PRIMPOL: variants seen among roughly 807,000 people sequenced by gnomAD.
The protein encoded by PRIMPOL is DNA-directed primase/polymerase protein.
In PRIMPOL, 54 loss-of-function variants were observed where a neutral mutation model predicts 63.6. The ratio of observed to expected loss-of-function variants is 0.85; its 90% CI spans 0.68 to 1.07. The LOEUF (loss-of-function observed/expected upper bound fraction) is 1.07. PRIMPOL is among the 50% of genes least tolerant of loss of function. The pLI is 0.00. For missense variants in PRIMPOL, 610 were observed against 648.3 expected, an observed-to-expected ratio of 0.94 and a Z score of 0.64; for synonymous variants, 197 against 220.2, an observed-to-expected ratio of 0.89 and a Z score of 0.93.
chr4:184,685,939 T>C (rs1206953864), intron 11 of PRIMPOL, among the ~76,000 whole-genome samples: 1 of 152,100 alleles, frequency 6.6e-6, no homozygotes, highest in Non-Finnish European at 1.5e-5. Context: ...GTAGCTGGGA[T>C]TACAGGCGCC....
intron 7 of PRIMPOL, among the ~76,000 whole-genome samples, chr4:184,672,738 G>C (rs905210373): frequency 6.6e-6 from 1 of 152,174 alleles, no homozygotes; most frequent in Non-Finnish European, 1.5e-5. Context: ...TTTTACAGGG[G>C]ACAGTTGGAC....
Position 184,659,386 on chromosome 4 carries a change from G to GT in PRIMPOL, c.228dup (p.Ile77TyrfsTer9), listed in dbSNP as rs1322924966. The GT allele has an allele frequency of 2.5e-6, 4 of 1,613,836 alleles. No homozygotes were observed. Among genetic ancestry groups the GT allele is most frequent in the Admixed American group, 1.7e-5 (1 of 59,978 alleles). The stretch of plus-strand genomic sequence containing the variant: ...GAATGCAAAGTAGGAGATGGACAAC[G>GT]TATTTACCTTGTGACAACCTATGCT... On this transcript the variant is annotated frameshift_variant, in exon 4 of 14. Coordinates refer to ENST00000314970, the MANE Select transcript of PRIMPOL (RefSeq NM_152683.4). LOFTEE classifies it high-confidence loss of function.
At chr4:184,687,277 G>A (rs1050988484) in intron 11 of PRIMPOL, among the ~76,000 whole-genome samples, 3 of 152,116 alleles carry the variant, frequency 2.0e-5, no homozygotes, top group Admixed American at 6.5e-5. Context: ...CACTATGTTG[G>A]CTGGGCTGGT....
Position 184,680,716 on chromosome 4 carries a change from A to G in PRIMPOL, c.1008-1532A>G, listed in dbSNP as rs80268105. On this transcript the variant is annotated intron_variant, in intron 8 of 13. Coordinates refer to ENST00000314970, the MANE Select transcript of PRIMPOL (RefSeq NM_152683.4). ...TTTCCTACTTTTAAATGGAAGTGAT[A>G]CTAACACCTATCTTACGGAGTTGTC... Among the ~76,000 whole-genome samples, 728 of 152,272 alleles carry G rather than the reference A, an allele frequency of 4.8e-3. 12 individuals are homozygous for G. The highest frequency in any genetic ancestry group is 0.035 in the East Asian group (180 of 5,174).
intron 4 of PRIMPOL, 22 bp downstream of exon 4, chr4:184,659,459 C>T (rs761120570): frequency 6.0e-6 from 9 of 1,498,410 alleles, no homozygotes; most frequent in Non-Finnish European, 8.4e-6. Flanking sequence ...GCAGCAGAAC[C>T]ACACATTAAG....
rs773897294 is a variant in PRIMPOL at position 184,657,338 on chromosome 4, CTCT to C, written c.180+27_180+29del. ...GTAAAGAAGTAATTTCCTCCTCCTCCTCTTCTTCTTCCTCCTCTTCCACTTCCT... is the reference window on the plus strand; with the variant it reads ...GTAAAGAAGTAATTTCCTCCTCCTCCTCTTCTTCCTCCTCTTCCACTTCCT... On this transcript the variant is annotated intron_variant, in intron 3 of 13. Transcript: ENST00000314970. The C allele has an allele frequency of 1.6e-5, 25 of 1,555,290 alleles. No homozygotes were observed. Among genetic ancestry groups the C allele is most frequent in the African/African-American group, 4.1e-5 (3 of 72,856 alleles).
chr4:184,657,785 G>A (rs56796543), intron 3 of PRIMPOL: 6,484 of 153,674 alleles, frequency 0.042, 453 homozygotes, highest in African/African-American at 0.15. Flanking sequence ...CCTGAGGTCC[G>A]GAGTTTGAGA....
At chr4:184,669,247 C>T (rs1186147442) in intron 6 of PRIMPOL, among the ~76,000 whole-genome samples, 2 of 152,214 alleles carry the variant, frequency 1.3e-5, no homozygotes, top group African/African-American at 4.8e-5. Flanking sequence ...GCTGTTGTTA[C>T]TCCTGTTAAG....
At chr4:184,663,767 G>C (rs1162085179) in intron 5 of PRIMPOL, among the ~76,000 whole-genome samples, 1 of 151,958 alleles carries the variant, frequency 6.6e-6, no homozygotes, top group African/African-American at 2.4e-5. Context: ...AGTTCTCATT[G>C]GATTACTTTA....
At chr4:184,680,904 C>T (rs1755452345) in intron 8 of PRIMPOL, among the ~76,000 whole-genome samples, 1 of 152,150 alleles carries the variant, frequency 6.6e-6, no homozygotes, top group African/African-American at 2.4e-5. Flanking sequence ...CTGCCACACC[C>T]TATTGGCACC....
intron 11 of PRIMPOL, among the ~76,000 whole-genome samples, chr4:184,690,207 G>GT (rs1306837734): frequency 6.6e-6 from 1 of 152,048 alleles, no homozygotes; most frequent in African/African-American, 2.4e-5. Flanking sequence ...TAGGTTTTCT[G>GT]TTGCTTTTTA....
Position 184,654,452 on chromosome 4 carries a change from A to AGTTTTTCTTTTTT in PRIMPOL, c.-60+2358_-60+2359insCTTTTTTGTTTTT, listed in dbSNP as rs1553985957. Among the ~76,000 whole-genome samples the AGTTTTTCTTTTTT allele has an allele frequency of 7.7e-3, 979 of 126,576 alleles. 29 individuals carry two copies. The highest frequency in any genetic ancestry group is 0.028 in the African/African-American group (952 of 33,518). 83.0% of individuals were successfully genotyped at this position (126,576 alleles called of 152,430 possible). A position where few individuals can be genotyped will look rare whatever the true frequency, so the allele number is the denominator to read the frequency against. On this transcript the variant is annotated intron_variant, in intron 2 of 13. Coordinates refer to ENST00000314970, the MANE Select transcript of PRIMPOL (RefSeq NM_152683.4). Reference sequence around the variant, plus strand: ...TCACTTTGTATTGACAAGTTAAAGCAGTTTTTTTTTTTTTTTGAGACAGAG... The same window carrying AGTTTTTCTTTTTT: ...TCACTTTGTATTGACAAGTTAAAGCAGTTTTTCTTTTTTGTTTTTTTTTTTTTTTGAGACAGAG...
intron 5 of PRIMPOL, among the ~76,000 whole-genome samples, chr4:184,662,762 T>C (rs1247787016): frequency 6.6e-6 from 1 of 152,068 alleles, no homozygotes; most frequent in East Asian, 1.9e-4. Flanking sequence ...ATAAAGAATA[T>C]CTGCTAGTAT....
chr4:184,664,937 A>C (rs1233510256), intron 5 of PRIMPOL, among the ~76,000 whole-genome samples: 3 of 152,250 alleles, frequency 2.0e-5, no homozygotes, highest in African/African-American at 7.2e-5. Flanking sequence ...AAGAATTTAC[A>C]GAAGAGTAAA....
chr4:184,658,444 C>T (rs1223822578), intron 3 of PRIMPOL, among the ~76,000 whole-genome samples: 3 of 152,186 alleles, frequency 2.0e-5, no homozygotes, highest in Non-Finnish European at 2.9e-5. Flanking sequence ...GGTTAAGCAA[C>T]TGAGTCCTGT....
intron 6 of PRIMPOL, among the ~76,000 whole-genome samples, chr4:184,667,361 A>G (rs59223034): frequency 6.6e-6 from 1 of 151,760 alleles, no homozygotes; most frequent in East Asian, 1.9e-4. Flanking sequence ...CCCAGGCTGG[A>G]GTGCAGTGGC....
chr4:184,674,943 A>G (rs1752889053), intron 7 of PRIMPOL, among the ~76,000 whole-genome samples: 1 of 152,174 alleles, frequency 6.6e-6, no homozygotes, highest in South Asian at 2.1e-4. Flanking sequence ...TCTGTGTGGG[A>G]GCACCTCCAG....
At chr4:184,685,370 T>G in intron 9 of PRIMPOL, 39 bp from the exon 10 acceptor site, 1 of 1,416,662 alleles carries the variant, frequency 7.1e-7, no homozygotes, top group South Asian at 1.2e-5. Flanking sequence ...TTCTCAACTT[T>G]CAGCTATTGT....
intron 8 of PRIMPOL, among the ~76,000 whole-genome samples, chr4:184,680,249 G>A (rs1462864708): frequency 1.3e-5 from 2 of 151,868 alleles, no homozygotes; most frequent in Non-Finnish European, 1.5e-5. Flanking sequence ...GTGCAGTGGT[G>A]CGATCTCAGC....
Sources: gnomAD v4.1 joint callset for allele counts (sites outside exome capture counted in the v4.1 genomes callset) on GRCh38, gnomAD v4.1.1 for gene constraint, MANE v1.5 for transcripts, NCBI Gene and HGNC (gene_info 2026-07-23, HGNC 2026-07-21) for gene names.